OPCML: variants seen among roughly 807,000 people sequenced by gnomAD.
OPCML encodes opioid-binding protein/cell adhesion molecule.
Under a neutral mutation model 37.8 loss-of-function variants are expected in OPCML, and 13 were observed. That is an observed-to-expected ratio of 0.34 (90% CI 0.22 to 0.55). OPCML has a LOEUF of 0.55. Among genes scored for constraint, OPCML ranks in the 20% least tolerant of loss-of-function variants. The pLI, the probability that OPCML is intolerant of heterozygous loss-of-function variation, is 0.91. For missense variants in OPCML, 341 were observed against 435.6 expected, an observed-to-expected ratio of 0.78 and a Z score of 1.93; for synonymous variants, 176 against 168.8, an observed-to-expected ratio of 1.04 and a Z score of -0.33.
At position 132,651,094 on chromosome 11, in the gene OPCML, A is replaced by G. The variant is rs1941406368; in HGVS notation, c.379+5993T>C. On this transcript the variant is annotated intron_variant, in intron 3 of 7. Transcript: ENST00000524381. Reference sequence around the variant, plus strand: ...ATCCCAGCATCCACCTGCTGCCCCAACCCCAGAATTGTCACCTCAGGGCCC... The same window carrying G: ...ATCCCAGCATCCACCTGCTGCCCCAGCCCCAGAATTGTCACCTCAGGGCCC... 3.3e-5 allele frequency among the ~76,000 whole-genome samples: 5 copies of G among 152,066 alleles called. No homozygotes were observed. In the South Asian group the frequency reaches 1.0e-3, roughly 32 times the overall value.
At chr11:132,804,132 G>A (rs1313186132) in intron 2 of OPCML, among the ~76,000 whole-genome samples, 1 of 152,138 alleles carries the variant, frequency 6.6e-6, no homozygotes, top group Non-Finnish European at 1.5e-5. Flanking sequence ...GATAGAAGGT[G>A]AGCCCCACAG....
chr11:132,538,201 A>C (rs1280259983), intron 3 of OPCML, among the ~76,000 whole-genome samples: 1 of 152,238 alleles, frequency 6.6e-6, no homozygotes, highest in Non-Finnish European at 1.5e-5. Flanking sequence ...AATGTGATAC[A>C]CCAATACAAT....
chr11:132,659,333 A>G (rs1354538122), intron 2 of OPCML, among the ~76,000 whole-genome samples: 2 of 152,214 alleles, frequency 1.3e-5, no homozygotes, highest in Non-Finnish European at 2.9e-5. Flanking sequence ...AATGACTGAT[A>G]AGGGGAAATA....
intron 2 of OPCML, among the ~76,000 whole-genome samples, chr11:132,776,513 A>G (rs905889165): frequency 2.6e-5 from 4 of 152,152 alleles, no homozygotes; most frequent in Admixed American, 6.5e-5. Context: ...CCCTGGTGAT[A>G]AGTGAGTTCT....
At chr11:132,824,687 G>A (rs1172862644) in intron 2 of OPCML, among the ~76,000 whole-genome samples, 2 of 152,096 alleles carry the variant, frequency 1.3e-5, no homozygotes, top group African/African-American at 2.4e-5. Flanking sequence ...CCACCCAGCT[G>A]TGGTCTTTCT....
At chr11:132,658,782 TTCACTCCTCACCAA>T (rs1941824290) in intron 2 of OPCML, among the ~76,000 whole-genome samples, 1 of 152,142 alleles carries the variant, frequency 6.6e-6, no homozygotes, top group Non-Finnish European at 1.5e-5. Context: ...CATCTAACCA[TTCACTCCTCACCAA>T]TGCCCAGCAC....
chr11:132,894,413 A>T (rs983550325), intron 2 of OPCML, among the ~76,000 whole-genome samples: 18 of 152,202 alleles, frequency 1.2e-4, no homozygotes, highest in African/African-American at 4.3e-4. Flanking sequence ...CTGTCTTCTT[A>T]ATTTCTTCTT....
chr11:133,162,884 G>GA (rs149566853), intron 1 of OPCML, among the ~76,000 whole-genome samples: 2 of 152,132 alleles, frequency 1.3e-5, no homozygotes, highest in East Asian at 1.9e-4. Context: ...TTCAGACTCA[G>GA]AAAAAAGAAA....
intron 1 of OPCML, among the ~76,000 whole-genome samples, chr11:133,222,855 C>T (rs905571469): frequency 1.3e-5 from 2 of 152,128 alleles, no homozygotes; most frequent in African/African-American, 4.8e-5. Flanking sequence ...TAATCAAACA[C>T]GGGCTCTGCA....
Position 133,177,203 on chromosome 11 carries a change from C to T in OPCML, c.62-234193G>A, listed in dbSNP as rs1048066911. Among the ~76,000 whole-genome samples, 11 of 152,202 alleles carry T rather than the reference C, an allele frequency of 7.2e-5. No individual in the cohort carries two copies. Among genetic ancestry groups the T allele is most frequent in the South Asian group, 6.2e-4 (3 of 4,830 alleles). On this transcript the variant is annotated intron_variant, in intron 1 of 7. Transcript: ENST00000524381. This position sits in a 1 kb window ranked among gnomAD's most constrained non-coding sequence, Gnocchi z 5.0. ...CTGTGAAGGGCTCAGGGCACAGCAA[C>T]GTGTGTCTGTGTGCCTGTTGATAGC...
At chr11:132,650,001 T>C (rs1219625246) in intron 3 of OPCML, among the ~76,000 whole-genome samples, 5 of 151,876 alleles carry the variant, frequency 3.3e-5, no homozygotes, top group Non-Finnish European at 7.4e-5. Flanking sequence ...ACTCACACAG[T>C]TTTTATAGGT....
intron 2 of OPCML, among the ~76,000 whole-genome samples, chr11:132,906,696 G>A (rs541555625): frequency 1.8e-4 from 27 of 152,260 alleles, no homozygotes; most frequent in African/African-American, 2.6e-4. Context: ...CCCTTGTTAC[G>A]GGGCTGGAAA....
In OPCML at chr11:133,008,333, G is replaced by T. The variant is rs918057780; in HGVS notation, c.62-65323C>A. 3.5e-5 allele frequency: 34 copies of T among 985,318 alleles called. No homozygotes were observed. The African/African-American group carries it at 4.9e-4, about 14-fold the overall frequency. 61.0% of individuals were successfully genotyped at this position (985,318 alleles called of 1,614,324 possible). On this transcript the variant is annotated intron_variant, in intron 1 of 7. Transcript: ENST00000524381. Reference sequence around the variant, plus strand: ...CTGGTAAACAACTAAAATGAAAATGGGAAAGAGACCTGAAAGGAATATGTT... The same window carrying T: ...CTGGTAAACAACTAAAATGAAAATGTGAAAGAGACCTGAAAGGAATATGTT...
At chr11:132,579,325 G>C (rs888878503) in intron 3 of OPCML, among the ~76,000 whole-genome samples, 2 of 152,002 alleles carry the variant, frequency 1.3e-5, no homozygotes, top group Non-Finnish European at 2.9e-5. Context: ...AGTGACTTGG[G>C]TGGCCTTTGT....
At chr11:132,809,949 A>G (rs1939238146) in intron 2 of OPCML, among the ~76,000 whole-genome samples, 1 of 152,168 alleles carries the variant, frequency 6.6e-6, no homozygotes, top group Non-Finnish European at 1.5e-5. Flanking sequence ...TCCCGGGTTC[A>G]CGCCATTCTC....
At position 133,270,098 on chromosome 11, in the gene OPCML, G is replaced by A. The variant is rs182675086; in HGVS notation, c.61+262166C>T. Among the ~76,000 whole-genome samples the A allele has an allele frequency of 3.5e-3, 535 of 152,254 alleles. 3 individuals are homozygous for A. Among genetic ancestry groups the A allele is most frequent in the African/African-American group, 0.012 (478 of 41,556 alleles). On this transcript the variant is annotated intron_variant, in intron 1 of 7. Coordinates refer to ENST00000524381, the MANE Select transcript of OPCML (RefSeq NM_001012393.5). ...TCATGTGGAGGTGCTAAGAATGACA[G>A]CAAAGACACCAAGAACTGATTACTT...
At chr11:132,958,900 G>A (rs1483585981) in intron 1 of OPCML, among the ~76,000 whole-genome samples, 1 of 152,342 alleles carries the variant, frequency 6.6e-6, no homozygotes, top group East Asian at 1.9e-4. Context: ...ACAGAGAGAT[G>A]AATGTTGTTT....
intron 2 of OPCML, among the ~76,000 whole-genome samples, chr11:132,923,387 C>T (rs553042302): frequency 2.6e-5 from 4 of 152,212 alleles, no homozygotes; most frequent in East Asian, 3.9e-4. Flanking sequence ...ATTACTATGA[C>T]GCCCAGCCGG....
chr11:132,426,492 C>T (rs993201215), intron 7 of OPCML, among the ~76,000 whole-genome samples: 11 of 152,026 alleles, frequency 7.2e-5, no homozygotes, highest in African/African-American at 1.4e-4. Flanking sequence ...CAGGCTGGAG[C>T]GCAGTGGCAC....
Sources: gnomAD v4.1 joint callset for allele counts (sites outside exome capture counted in the v4.1 genomes callset) on GRCh38, gnomAD v4.1.1 for gene constraint, Gnocchi (gnomAD v3.1) non-coding constraint, MANE v1.5 for transcripts, NCBI Gene and HGNC (gene_info 2026-07-23, HGNC 2026-07-21) for gene names.